NTM: variants seen among roughly 807,000 people sequenced by gnomAD.
The protein encoded by NTM is neurotrimin, also known as IgLON family member 2.
Under a neutral mutation model 42.1 loss-of-function variants are expected in NTM, and 13 were observed. The ratio of observed to expected loss-of-function variants is 0.31; its 90% CI spans 0.20 to 0.49. The LOEUF (loss-of-function observed/expected upper bound fraction) is 0.49. NTM is among the 20% of genes least tolerant of loss of function. NTM has a pLI of 0.99. For missense variants in NTM, 373 were observed against 452.8 expected (o/e 0.82, Z 1.60); for synonymous variants, 187 against 179.2 (o/e 1.04, Z -0.35).
rs576986962 is a variant in NTM, at chr11:132,239,998, CCATT to C, written c.526+27855_526+27858del. ...ATCCATCCATCCATCATCCATCCAT[CCATT>C]CATCCATCCAACCACCCATCCATCC... On this transcript the variant is annotated intron_variant, in intron 4 of 8. Coordinates refer to ENST00000683400, the MANE Select transcript of NTM (RefSeq NM_001352005.2). Among the ~76,000 whole-genome samples the C allele has an allele frequency of 5.1e-4, 78 of 151,778 alleles. No homozygotes were observed. The South Asian group carries it at 0.013, about 26-fold the overall frequency.
chr11:131,420,635 T>A (rs1947406309), intron 1 of NTM, among the ~76,000 whole-genome samples: 1 of 152,090 alleles, frequency 6.6e-6, no homozygotes. Context: ...CACTGGGAGC[T>A]AGAGACTGGC....
intron 1 of NTM, among the ~76,000 whole-genome samples, chr11:131,422,155 G>A (rs1286337017): frequency 6.6e-6 from 1 of 152,224 alleles, no homozygotes; most frequent in Non-Finnish European, 1.5e-5. Context: ...TCTGAGCACA[G>A]GAGAGCTCAG....
At chr11:132,202,472 C>G (rs879551097) in intron 3 of NTM, among the ~76,000 whole-genome samples, 1 of 152,128 alleles carries the variant, frequency 6.6e-6, no homozygotes, top group South Asian at 2.1e-4. Flanking sequence ...ATGGAAAACA[C>G]GCACAGCTGG....
chr11:132,053,065 T>C (rs2079088007), intron 2 of NTM, among the ~76,000 whole-genome samples: 1 of 152,200 alleles, frequency 6.6e-6, no homozygotes, highest in Admixed American at 6.5e-5. Flanking sequence ...TTCATCAACC[T>C]CACTAGTTGC....
chr11:131,562,413 G>A (rs2056350942), intron 1 of NTM, among the ~76,000 whole-genome samples: 1 of 152,182 alleles, frequency 6.6e-6, no homozygotes, highest in African/African-American at 2.4e-5. Flanking sequence ...CACCCAAGAC[G>A]GGAAGGTGGG....
chr11:132,238,167 C>G (rs763596021), intron 4 of NTM, among the ~76,000 whole-genome samples: 3 of 151,988 alleles, frequency 2.0e-5, no homozygotes, highest in Non-Finnish European at 4.4e-5. Context: ...TTTGATATAC[C>G]CTTAATCGGC....
At chr11:132,068,141 G>A (rs553537755) in intron 2 of NTM, among the ~76,000 whole-genome samples, 5 of 152,254 alleles carry the variant, frequency 3.3e-5, no homozygotes, top group African/African-American at 1.2e-4. Context: ...TATACTTGGC[G>A]TTCTCTCCAG....
intron 1 of NTM, among the ~76,000 whole-genome samples, chr11:131,616,703 C>A (rs7110900): frequency 0.41 from 62,885 of 151,552 alleles, 14,072 homozygotes; most frequent in African/African-American, 0.59. Flanking sequence ...CAAAAAGCCA[C>A]AGGGACAGAG....
intron 4 of NTM, among the ~76,000 whole-genome samples, chr11:132,227,848 T>G (rs2086637684): frequency 6.6e-6 from 1 of 152,100 alleles, no homozygotes; most frequent in Non-Finnish European, 1.5e-5. Flanking sequence ...GTTGTGGCAC[T>G]TACGGGAAAA....
intron 3 of NTM, among the ~76,000 whole-genome samples, chr11:132,208,106 G>C (rs2138597735): frequency 6.6e-6 from 1 of 152,310 alleles, no homozygotes; most frequent in African/African-American, 2.4e-5. Context: ...AACAGTCTGA[G>C]TGATGAGAAG....
Position 132,278,743 on chromosome 11 carries a change from T to TTCTCTCTCTCTCTC in NTM, c.527-28918_527-28905dup, listed in dbSNP as rs66748602. Among the ~76,000 whole-genome samples the TTCTCTCTCTCTCTC allele has an allele frequency of 3.9e-3, 533 of 137,994 alleles. 7 individuals are homozygous for TTCTCTCTCTCTCTC. The highest frequency in any genetic ancestry group is 9.2e-3 in the African/African-American group (340 of 36,940). 90.5% of individuals were successfully genotyped at this position (137,994 alleles called of 152,430 possible). On this transcript the variant is annotated intron_variant, in intron 4 of 8. Transcript: ENST00000683400. ...TGTCTTTCTTAACCTTCATTTGGGCTTCTCTCTCTCTCTCTCTCTCTCTCT... is the reference window on the plus strand; with the variant it reads ...TGTCTTTCTTAACCTTCATTTGGGCTTCTCTCTCTCTCTCTCTCTCTCTCTCTCTCTCTCTCTCT...
chr11:132,081,098 C>A (rs1266411916), intron 2 of NTM, among the ~76,000 whole-genome samples: 1 of 152,170 alleles, frequency 6.6e-6, no homozygotes, highest in African/African-American at 2.4e-5. Flanking sequence ...ATGCTGTAGT[C>A]CCTCAAATGA....
intron 1 of NTM, among the ~76,000 whole-genome samples, chr11:131,484,314 A>G (rs941105440): frequency 6.6e-6 from 1 of 152,214 alleles, no homozygotes; most frequent in African/African-American, 2.4e-5. Context: ...TTTCAATTTA[A>G]AGGTGAGACT....
chr11:131,523,318 T>C (rs779840791), intron 1 of NTM, among the ~76,000 whole-genome samples: 3 of 152,140 alleles, frequency 2.0e-5, no homozygotes, highest in Non-Finnish European at 4.4e-5. Flanking sequence ...CAAAAGCAAA[T>C]GATGGTTAAA....
At chr11:131,673,306 A>G (rs975182010) in intron 1 of NTM, among the ~76,000 whole-genome samples, 10 of 152,100 alleles carry the variant, frequency 6.6e-5, no homozygotes, top group African/African-American at 2.2e-4. Context: ...TGACCAGTCC[A>G]TTTCCACTAA....
intron 1 of NTM, among the ~76,000 whole-genome samples, chr11:131,709,855 A>G (rs1370788630): frequency 6.6e-6 from 1 of 152,224 alleles, no homozygotes; most frequent in Non-Finnish European, 1.5e-5. Context: ...AGGGAAGAAG[A>G]GGAATCTGCA....
At chr11:131,710,618 C>T (rs746852976) in intron 1 of NTM, among the ~76,000 whole-genome samples, 12 of 152,204 alleles carry the variant, frequency 7.9e-5, no homozygotes, top group African/African-American at 2.6e-4. Flanking sequence ...AAGTGTAATA[C>T]CCAAACCAGC....
At position 132,086,794 on chromosome 11, in the gene NTM, T is replaced by C. The variant is rs537466837; in HGVS notation, c.168-59488T>C. On this transcript the variant is annotated intron_variant, in intron 2 of 8. Transcript: ENST00000683400. The stretch of plus-strand genomic sequence containing the variant: ...AAAAAATATTTTACCCTTTTGTCAG[T>C]GTGTCAGGCTTCTGGGTTCTCTTCC... Among the ~76,000 whole-genome samples, 4 of 152,300 alleles carry C rather than the reference T, an allele frequency of 2.6e-5. No homozygotes were observed. In the South Asian group the frequency reaches 8.3e-4, roughly 32 times the overall value.
chr11:132,315,355 A>T (rs75434834), intron 7 of NTM, among the ~76,000 whole-genome samples: 4,512 of 152,316 alleles, frequency 0.03, 206 homozygotes, highest in African/African-American at 0.099. Flanking sequence ...AGCTGTGCAG[A>T]CATGAGCCTG....
Sources: gnomAD v4.1 joint callset for allele counts (sites outside exome capture counted in the v4.1 genomes callset) on GRCh38, gnomAD v4.1.1 for gene constraint, MANE v1.5 for transcripts, NCBI Gene and HGNC (gene_info 2026-07-23, HGNC 2026-07-21) for gene names.